The following XIST variants were observed in gnomAD, a reference collection of about 807,000 sequenced individuals.
The protein encoded by XIST is X inactive specific transcript (non-protein coding).
chrX:73,829,254 C>T (rs1922329491), intron 4 of XIST: 2 of 544,984 alleles, frequency 3.7e-6, no homozygotes, highest in African/African-American at 2.2e-5. Context: ...ATGAGATAAA[C>T]CATGTAAATG....
In XIST at chrX:73,832,330, G is replaced by GA. The variant is rs35100923; in HGVS notation, n.11543+907dup. Among the ~76,000 whole-genome samples the GA allele has an allele frequency of 7.3e-3, 664 of 90,499 alleles. 5 individuals carry two copies. Among genetic ancestry groups the GA allele is most frequent in the Admixed American group, 0.013 (106 of 8,086 alleles). 78.6% of individuals were successfully genotyped at this position (90,499 alleles called of 115,157 possible). A position where few individuals can be genotyped will look rare whatever the true frequency, so the allele number is the denominator to read the frequency against. ...GCCTGGGCAACAAGAGCGAAACTGC[G>GA]AAAAAAAAAAAATACACGCCACAAA... On this transcript the variant is annotated intron_variant and non_coding_transcript_variant, in intron 3 of 5. Transcript: ENST00000429829.
intron 3 of XIST, chrX:73,831,311 T>G: frequency 4.1e-6 from 2 of 488,992 alleles, no homozygotes; most frequent in Non-Finnish European, 7.3e-6. Flanking sequence ...TGAAATGCAG[T>G]ACACTGGGAA....
In XIST at chrX:73,846,508, A is replaced by T. The variant is rs1402883035; in HGVS notation, n.6216T>A. The T allele has an allele frequency of 7.2e-6, 4 of 559,387 alleles. No homozygotes were observed. In the South Asian group the frequency reaches 8.9e-5, roughly 12 times the overall value. The allele number at this position is 559,387 out of a possible 1,213,427, so 46.1% of individuals were successfully genotyped here. On this transcript the variant is annotated non_coding_transcript_exon_variant, in exon 1 of 6. Coordinates refer to ENST00000429829, the Ensembl canonical transcript of XIST. Reference sequence around the variant, plus strand: ...GTTATCAGCAACCCTTCTGTATTGCAAAAGGGGTCGGAGAGTAGGACCTTA... The same window carrying T: ...GTTATCAGCAACCCTTCTGTATTGCTAAAGGGGTCGGAGAGTAGGACCTTA...
exon 1 of XIST, chrX:73,848,370 T>C (rs1347113020): frequency 2.0e-5 from 11 of 553,861 alleles, no homozygotes; most frequent in Non-Finnish European, 3.6e-5. Context: ...GGGACCTTGA[T>C]ATAAAAGACT....
exon 1 of XIST, chrX:73,842,018 A>G (rs1246514604): frequency 1.8e-6 from 1 of 547,962 alleles, no homozygotes; most frequent in Admixed American, 2.3e-5. Context: ...ATATTAAAAT[A>G]GCAAGAGTCA....
chrX:73,836,557 T>C (rs1171230886), intron 2 of XIST, among the ~76,000 whole-genome samples: 2 of 111,861 alleles, frequency 1.8e-5, no homozygotes, highest in African/African-American at 3.2e-5. Flanking sequence ...TAGTTTAATA[T>C]AGATACAGAT....
chrX:73,846,756 G>A (rs777721706), exon 1 of XIST: 1 of 559,218 alleles, frequency 1.8e-6, no homozygotes, highest in South Asian at 2.2e-5. Context: ...AAGAAATGGG[G>A]CCTTAGGTGT....
intron 2 of XIST, among the ~76,000 whole-genome samples, chrX:73,835,662 T>C (rs1029047184): frequency 8.9e-6 from 1 of 111,981 alleles, no homozygotes; most frequent in Non-Finnish European, 1.9e-5. Context: ...TACATAATAA[T>C]ATTTTTCTTT....
rs754723605 is a variant in XIST, at chrX:73,824,906, C to G, written n.14995G>C. ...TAGAGGATAAACTTTCCTCTTATTA[C>G]ATAGGAGAATTAATCTTGTATTTTA... On this transcript the variant is annotated non_coding_transcript_exon_variant, in exon 6 of 6. Transcript: ENST00000429829. 5.5e-6 allele frequency: 3 copies of G among 549,044 alleles called. No individual in the cohort carries two copies. The East Asian group carries it at 9.8e-5, about 18-fold the overall frequency. 45.2% of individuals were successfully genotyped at this position (549,044 alleles called of 1,213,427 possible). A position where few individuals can be genotyped will look rare whatever the true frequency, so the allele number is the denominator to read the frequency against.
At chrX:73,849,097 T>C (rs776416542) in exon 1 of XIST, 83 of 557,770 alleles carry the variant, frequency 1.5e-4, no homozygotes, top group African/African-American at 1.1e-3. Flanking sequence ...AAGAAACTCT[T>C]AAATCTCAGG....
At chrX:73,849,570 T>G (rs750169184) in exon 1 of XIST, 1 of 558,663 alleles carries the variant, frequency 1.8e-6, no homozygotes, top group Non-Finnish European at 3.2e-6. Context: ...AATAATGCTC[T>G]GATAGAAAGC....
chrX:73,843,188 C>A (rs1213988449), exon 1 of XIST: 1 of 558,463 alleles, frequency 1.8e-6, no homozygotes, highest in Non-Finnish European at 3.2e-6. Context: ...TAGTCAGCAG[C>A]CCCTGCAGTA....
chrX:73,848,562 TGCAAATAGG>T (rs750397734), exon 1 of XIST: 9 of 556,092 alleles, frequency 1.6e-5, no homozygotes, highest in Non-Finnish European at 2.9e-5. Context: ...CATTGTAGCG[TGCAAATAGG>T]ATACAGAGTC....
chrX:73,847,160 G>T (rs1249819856), exon 1 of XIST: 3 of 557,546 alleles, frequency 5.4e-6, no homozygotes, highest in Non-Finnish European at 9.7e-6. Context: ...TGGTAAAAAA[G>T]TACAGCAGCA....
chrX:73,826,254 C>T (rs1350892021), exon 6 of XIST: 1 of 556,964 alleles, frequency 1.8e-6, no homozygotes, highest in African/African-American at 2.2e-5. Flanking sequence ...CTTTTTTTTC[C>T]CCAACAACCT....
chrX:73,842,817 G>A (rs1339064925), exon 1 of XIST: 1 of 558,655 alleles, frequency 1.8e-6, no homozygotes, highest in Admixed American at 2.2e-5. Flanking sequence ...AGGGCAGAGG[G>A]AAGGGAAGAG....
In XIST at chrX:73,827,504, A is replaced by G. The variant is rs752988454; in HGVS notation, n.12397T>C. 4 of 535,807 alleles carry G rather than the reference A, an allele frequency of 7.5e-6. No individual in the cohort carries two copies. The Admixed American group carries it at 9.8e-5, about 13-fold the overall frequency. The allele number at this position is 535,807 out of a possible 1,213,427, so 44.2% of individuals were successfully genotyped here. A position where few individuals can be genotyped will look rare whatever the true frequency, so the allele number is the denominator to read the frequency against. ...GATGCTGAGGCACGCAGGGGAGGAG[A>G]GAGAGAATAGCCCAAGAGAGGCAGA... On this transcript the variant is annotated non_coding_transcript_exon_variant, in exon 6 of 6. Coordinates refer to ENST00000429829, the Ensembl canonical transcript of XIST.
chrX:73,822,135 A>G (rs1922134792), exon 6 of XIST: 1 of 559,087 alleles, frequency 1.8e-6, no homozygotes, highest in Non-Finnish European at 3.2e-6. Flanking sequence ...GCTGGTACCA[A>G]TGAGACTGGG....
rs778502961 is a variant in XIST at position 73,822,942 on chromosome X, C to T, written n.16959G>A. On this transcript the variant is annotated non_coding_transcript_exon_variant, in exon 6 of 6. Transcript: ENST00000429829. ...TAGAGAATTTGTTCCTGTGTTTCCA[C>T]CATAAGATAAATGAGATAAAGTGCA... The T allele has an allele frequency of 1.3e-5, 7 of 557,134 alleles. No individual in the cohort carries two copies. In the African/African-American group the frequency reaches 1.6e-4, roughly 12 times the overall value. 45.9% of individuals were successfully genotyped at this position (557,134 alleles called of 1,213,427 possible).
Sources: allele counts gnomAD v4.1 joint callset (sites outside exome capture counted in the v4.1 genomes callset), GRCh38; gene constraint gnomAD v4.1.1; transcripts MANE v1.5; gene names NCBI Gene and HGNC (gene_info 2026-07-23, HGNC 2026-07-21).